The following MED12L variants were observed in gnomAD, a reference collection of about 807,000 sequenced individuals.
MED12L encodes the protein mediator of RNA polymerase II transcription subunit 12-like protein.
MED12L carries 60 observed loss-of-function variants against 281.3 expected under a neutral mutation model. The observed-to-expected ratio is 0.21, with a 90% CI of 0.17 to 0.26. The LOEUF (loss-of-function observed/expected upper bound fraction) is 0.26. MED12L is among the 10% of genes least tolerant of loss of function. MED12L has a pLI of 1.00. For synonymous variants in MED12L, 974 were observed against 987.2 expected (o/e 0.99, Z 0.25); for missense variants, 2,146 against 2,680.9 (o/e 0.80, Z 4.41).
At chr3:151,214,103 G>A (rs765288647) in intron 16 of MED12L, 2 of 1,614,104 alleles carry the variant, frequency 1.2e-6, no homozygotes, top group South Asian at 2.2e-5. Flanking sequence ...GGAAAAGTCA[G>A]GCTCATCACA....
intron 16 of MED12L, among the ~76,000 whole-genome samples, chr3:151,241,611 T>C (rs576122307): frequency 2.6e-5 from 4 of 152,282 alleles, no homozygotes; most frequent in East Asian, 1.9e-4. Context: ...GTGGGTTATA[T>C]ATATGTGTGT....
In MED12L at chr3:151,432,744, C is replaced by G. The variant is rs750353635; in HGVS notation, c.6491-8C>G. 1 of 1,611,282 alleles carries G rather than the reference C, an allele frequency of 6.2e-7. No homozygotes were observed. Among genetic ancestry groups the G allele is most frequent in the African/African-American group, 1.3e-5 (1 of 74,856 alleles). ...TGTAATTTTGGTTCAATTTATTTTT[C>G]TCCTTAGGCAACCAGCCACAGCAAG... On this transcript the variant is annotated splice_polypyrimidine_tract_variant and splice_region_variant and intron_variant, in intron 44 of 44. Coordinates refer to ENST00000687756, the MANE Select transcript of MED12L (RefSeq NM_001393769.1).
At position 151,416,525 on chromosome 3, in the gene MED12L, A is replaced by G. The variant is rs1418325280; in HGVS notation, c.6408+103A>G. The G allele has an allele frequency of 3.9e-6, 5 of 1,272,388 alleles. No homozygotes were observed. The East Asian group carries it at 1.2e-4, about 30-fold the overall frequency. The allele number at this position is 1,272,388 out of a possible 1,614,324, so 78.8% of individuals were successfully genotyped here. A position where few individuals can be genotyped will look rare whatever the true frequency, so the allele number is the denominator to read the frequency against. ...TGTTAAGAATCGACAAAGCCTAAGT[A>G]TACCCTAAAAATTTTTCCTAGAACT... On this transcript the variant is annotated intron_variant, in intron 43 of 44. Transcript: ENST00000687756.
intron 16 of MED12L, among the ~76,000 whole-genome samples, chr3:151,240,501 AATTT>A (rs1459118092): frequency 6.6e-6 from 1 of 152,184 alleles, no homozygotes; most frequent in Non-Finnish European, 1.5e-5. Flanking sequence ...TCTGTTTTAA[AATTT>A]ATTTAATAGG....
At chr3:151,203,670 A>G (rs1011598111) in intron 16 of MED12L, among the ~76,000 whole-genome samples, 15 of 152,070 alleles carry the variant, frequency 9.9e-5, no homozygotes, top group African/African-American at 3.4e-4. Flanking sequence ...TAATGTATAC[A>G]TTTTATTTAT....
intron 39 of MED12L, among the ~76,000 whole-genome samples, chr3:151,396,197 A>G (rs1714944217): frequency 1.5e-5 from 2 of 136,664 alleles, no homozygotes; most frequent in African/African-American, 5.5e-5. Context: ...TTAAAACCTC[A>G]TTGGGATTTT....
chr3:151,327,054 G>A (rs1335327575), intron 16 of MED12L: 1 of 152,180 alleles, frequency 6.6e-6, no homozygotes, highest in Non-Finnish European at 1.5e-5. Context: ...CGTATTATGG[G>A]AGATACCAAG....
intron 5 of MED12L, among the ~76,000 whole-genome samples, chr3:151,151,031 C>CTTTGTGTTTTTTTTTTTTTTTTTTT (rs1718399593): frequency 3.0e-5 from 1 of 32,880 alleles, no homozygotes. Context: ...GCTGAAGTAG[C>CTTTGTGTTTTTTTTTTTTTTTTTTT]TTTTTTTTTT....
At chr3:151,399,334 C>A (rs865922835) in intron 39 of MED12L, among the ~76,000 whole-genome samples, 1 of 152,168 alleles carries the variant, frequency 6.6e-6, no homozygotes, top group Non-Finnish European at 1.5e-5. Flanking sequence ...AAAAGAAATT[C>A]ATTTCCCATA....
At chr3:151,290,951 T>C (rs1744174337) in intron 16 of MED12L, among the ~76,000 whole-genome samples, 1 of 152,152 alleles carries the variant, frequency 6.6e-6, no homozygotes, top group South Asian at 2.1e-4. Context: ...AAATCGAAAA[T>C]GTTTGTTCTT....
intron 16 of MED12L, among the ~76,000 whole-genome samples, chr3:151,302,262 C>T (rs1346811013): frequency 2.6e-5 from 4 of 152,066 alleles, no homozygotes; most frequent in Admixed American, 2.0e-4. Context: ...TTGTTTTGCT[C>T]CTTAATCCTG....
chr3:151,091,964 G>A (rs561253744), intron 2 of MED12L, among the ~76,000 whole-genome samples: 23 of 152,134 alleles, frequency 1.5e-4, no homozygotes, highest in African/African-American at 4.8e-4. Context: ...CACACAGGCA[G>A]CACTCAACAC....
At chr3:151,108,449 T>C (rs951185365) in intron 2 of MED12L, among the ~76,000 whole-genome samples, 1 of 152,184 alleles carries the variant, frequency 6.6e-6, no homozygotes, top group African/African-American at 2.4e-5. Context: ...GGGATTATCA[T>C]AGCCCAGTTT....
intron 39 of MED12L, among the ~76,000 whole-genome samples, chr3:151,404,325 G>C (rs1356991361): frequency 6.6e-6 from 1 of 152,108 alleles, no homozygotes; most frequent in East Asian, 1.9e-4. Context: ...TTACTGTATG[G>C]GATGTGTTTG....
chr3:151,331,232 A>G (rs1052884214), intron 16 of MED12L, among the ~76,000 whole-genome samples: 9 of 152,148 alleles, frequency 5.9e-5, no homozygotes, highest in African/African-American at 2.2e-4. Context: ...TGTGCTTCTT[A>G]TGTATTAGCT....
rs2149931111 is a variant in MED12L at position 151,338,191 on chromosome 3, A to G, written c.2251-11868A>G. ...CCTACACCCCTCGTTCTTACGTATG[A>G]CCGGTACAGTTCTTTTGTAATGAGT... On this transcript the variant is annotated intron_variant, in intron 16 of 44. Transcript: ENST00000687756. 3 of 1,614,078 alleles carry G rather than the reference A, an allele frequency of 1.9e-6. No homozygotes were observed. Among genetic ancestry groups the G allele is most frequent in the Middle Eastern group, 3.3e-4 (2 of 6,062 alleles).
At chr3:151,201,052 A>G (rs936968283) in intron 16 of MED12L, 1 of 152,220 alleles carries the variant, frequency 6.6e-6, no homozygotes, top group Non-Finnish European at 1.5e-5. Context: ...TTATTATTAT[A>G]TCTGCCAGTC....
Position 151,382,644 on chromosome 3 carries a change from T to C in MED12L, c.4591-12T>C, listed in dbSNP as rs1025809466. 1.9e-6 allele frequency: 3 copies of C among 1,600,180 alleles called. No homozygotes were observed. In the African/African-American group the frequency reaches 4.1e-5, roughly 22 times the overall value. On this transcript the variant is annotated splice_polypyrimidine_tract_variant and intron_variant, in intron 32 of 44. Transcript: ENST00000687756. ...ATTAAACTTTAATGGGGAGTTTTTT[T>C]CCGGATCTTAGATTTTAAGTAACTG...
intron 16 of MED12L, among the ~76,000 whole-genome samples, chr3:151,205,450 A>G (rs984248893): frequency 6.6e-6 from 1 of 152,218 alleles, no homozygotes; most frequent in African/African-American, 2.4e-5. Flanking sequence ...TTTTGATTTT[A>G]TTGAACACAA....
Sources: allele counts gnomAD v4.1 joint callset (sites outside exome capture counted in the v4.1 genomes callset), GRCh38; gene constraint gnomAD v4.1.1; transcripts MANE v1.5; gene names NCBI Gene and HGNC (gene_info 2026-07-23, HGNC 2026-07-21).